UHRF2: variants seen among roughly 807,000 people sequenced by gnomAD.
UHRF2 encodes the protein E3 ubiquitin-protein ligase UHRF2.
A neutral mutation model predicts 96.8 loss-of-function variants in UHRF2; 23 were observed. That is an observed-to-expected ratio of 0.24 (90% CI 0.17 to 0.34). The LOEUF (loss-of-function observed/expected upper bound fraction) is 0.34. UHRF2 is among the 10% of genes least tolerant of loss of function. The probability of loss-of-function intolerance (pLI) is 1.00; values close to 1 mark genes in which losing one functional copy is unlikely to be tolerated. For missense variants in UHRF2, 685 were observed against 981.5 expected (o/e 0.70, Z 4.04); for synonymous variants, 385 against 332.6 (o/e 1.16, Z -1.72).
chr9:6,470,517 G>A (rs1237822107), intron 4 of UHRF2, among the ~76,000 whole-genome samples: 1 of 152,088 alleles, frequency 6.6e-6, no homozygotes, highest in Non-Finnish European at 1.5e-5. Context: ...TATTTAAGTG[G>A]GAGGAATGAG....
At chr9:6,488,741 A>T (rs1443114465) in intron 9 of UHRF2, among the ~76,000 whole-genome samples, 1 of 150,288 alleles carries the variant, frequency 6.7e-6, no homozygotes, top group Non-Finnish European at 1.5e-5. Context: ...GCCTCAGGTG[A>T]TCTGCCCACC....
intron 4 of UHRF2, among the ~76,000 whole-genome samples, chr9:6,465,832 T>C (rs1246182959): frequency 3.9e-5 from 6 of 152,216 alleles, no homozygotes; most frequent in Non-Finnish European, 8.8e-5. Flanking sequence ...TCATGCTTGT[T>C]TCTGTTTTTA....
chr9:6,463,668 A>G (rs1822692208), intron 4 of UHRF2, among the ~76,000 whole-genome samples: 1 of 151,966 alleles, frequency 6.6e-6, no homozygotes, highest in African/African-American at 2.4e-5. Context: ...ACAGGGTTTC[A>G]CCTTGTTGTC....
intron 4 of UHRF2, among the ~76,000 whole-genome samples, chr9:6,470,354 A>G (rs1330560217): frequency 6.7e-6 from 1 of 149,838 alleles, no homozygotes; most frequent in Non-Finnish European, 1.5e-5. Flanking sequence ...GCAAGACTCC[A>G]TCTCAAAAAA....
intron 9 of UHRF2, among the ~76,000 whole-genome samples, chr9:6,490,456 C>T (rs1221443444): frequency 1.3e-5 from 2 of 152,098 alleles, no homozygotes; most frequent in East Asian, 3.9e-4. Context: ...GATGAAACTC[C>T]GTCTCTACTA....
intron 3 of UHRF2, among the ~76,000 whole-genome samples, chr9:6,449,022 C>G (rs146783532): frequency 1.9e-4 from 29 of 152,322 alleles, no homozygotes; most frequent in African/African-American, 7.0e-4. Context: ...TTGTCTTTAC[C>G]TTTACCAGCA....
chr9:6,442,461 T>G (rs1052248274), intron 3 of UHRF2, among the ~76,000 whole-genome samples: 13 of 12,026 alleles, frequency 1.1e-3, no homozygotes, highest in African/African-American at 4.4e-3. Flanking sequence ...GGTTTTGTTT[T>G]GTTTTGTTTT....
At chr9:6,493,105 A>G (rs1203781611) in intron 9 of UHRF2, among the ~76,000 whole-genome samples, 1 of 152,052 alleles carries the variant, frequency 6.6e-6, no homozygotes, top group Non-Finnish European at 1.5e-5. Flanking sequence ...GGAGACCAAC[A>G]TGGCCAACAT....
rs556129155 is a variant in UHRF2, at chr9:6,426,477, G to T, written c.384+5335G>T. Among the ~76,000 whole-genome samples the T allele has an allele frequency of 6.6e-5, 10 of 152,266 alleles. No individual in the cohort carries two copies. In the East Asian group the frequency reaches 1.9e-3, roughly 29 times the overall value. ...TTCATACAATAATAAATTTAGAGCT[G>T]TTTAATCTTAGTTGAAGCTACTGTA... On this transcript the variant is annotated intron_variant, in intron 2 of 15. Transcript: ENST00000276893.
At chr9:6,428,893 G>C (rs1041168305) in intron 2 of UHRF2, among the ~76,000 whole-genome samples, 27 of 152,200 alleles carry the variant, frequency 1.8e-4, no homozygotes, top group African/African-American at 6.5e-4. Context: ...GCCGAGTGTG[G>C]TGGCTCATGC....
intron 3 of UHRF2, among the ~76,000 whole-genome samples, chr9:6,444,815 C>G (rs1481721696): frequency 6.6e-6 from 1 of 152,122 alleles, no homozygotes; most frequent in Non-Finnish European, 1.5e-5. Flanking sequence ...GTTGGCCAGG[C>G]TGGTCTTGAA....
intron 3 of UHRF2, among the ~76,000 whole-genome samples, chr9:6,444,396 C>G (rs1340907219): frequency 2.6e-5 from 4 of 152,200 alleles, no homozygotes; most frequent in Non-Finnish European, 5.9e-5. Flanking sequence ...TGCAAGATCA[C>G]TTAGTACTTA....
intron 8 of UHRF2, among the ~76,000 whole-genome samples, chr9:6,486,242 G>C (rs1327233366): frequency 6.6e-6 from 1 of 152,180 alleles, no homozygotes; most frequent in Non-Finnish European, 1.5e-5. Context: ...AGTAAAAAAA[G>C]GATCTGTTGT....
At chr9:6,461,446 C>A (rs1181186276) in intron 4 of UHRF2, among the ~76,000 whole-genome samples, 2 of 144,882 alleles carry the variant, frequency 1.4e-5, no homozygotes, top group Non-Finnish European at 3.0e-5. Context: ...GATCTTGGCT[C>A]ACTGTAACCT....
At chr9:6,445,998 T>TTTTGTTTTTC (rs772184475) in intron 3 of UHRF2, among the ~76,000 whole-genome samples, 2 of 129,954 alleles carry the variant, frequency 1.5e-5, no homozygotes, top group African/African-American at 5.8e-5. Flanking sequence ...TTTTTTTTTT[T>TTTTGTTTTTC]TTCCTGTTTT....
At chr9:6,431,881 T>C (rs1820579473) in intron 2 of UHRF2, among the ~76,000 whole-genome samples, 1 of 152,230 alleles carries the variant, frequency 6.6e-6, no homozygotes, top group Admixed American at 6.5e-5. Context: ...CATTTTAGTA[T>C]CAACTATATG....
chr9:6,451,466 G>GTTTTTTTTTT (rs34757017), intron 3 of UHRF2, among the ~76,000 whole-genome samples: 3 of 141,810 alleles, frequency 2.1e-5, no homozygotes, highest in African/African-American at 7.7e-5. Context: ...GTTTTTTTTT[G>GTTTTTTTTTT]TTTTTTTTTT....
At chr9:6,488,484 G>GC (rs1018018253) in intron 9 of UHRF2, among the ~76,000 whole-genome samples, 13 of 146,150 alleles carry the variant, frequency 8.9e-5, no homozygotes, top group African/African-American at 2.0e-4. Flanking sequence ...ATCAGACGTA[G>GC]CCCCCCCACT....
intron 3 of UHRF2, among the ~76,000 whole-genome samples, chr9:6,456,969 T>C (rs1822219697): frequency 6.6e-6 from 1 of 152,204 alleles, no homozygotes; most frequent in African/African-American, 2.4e-5. Flanking sequence ...TCTTTTTGCT[T>C]AGGATAGTCT....
Sources: allele counts gnomAD v4.1 joint callset (sites outside exome capture counted in the v4.1 genomes callset), GRCh38; gene constraint gnomAD v4.1.1; transcripts MANE v1.5; gene names NCBI Gene and HGNC (gene_info 2026-07-23, HGNC 2026-07-21).